Variants in CMC1 observed in about 807,000 individuals in gnomAD.
The protein encoded by CMC1 is C-X9-C motif containing 1.
Under a neutral mutation model 14.1 loss-of-function variants are expected in CMC1, and 14 were observed. The ratio of observed to expected loss-of-function variants is 0.99; its 90% CI spans 0.66 to 1.55. The LOEUF is 1.55. CMC1 is among the 40% of genes most tolerant of loss of function. CMC1 has a pLI of 0.00. For missense variants in CMC1, 127 were observed against 123.8 expected (o/e 1.03, Z -0.12); for synonymous variants, 50 against 38.4 (o/e 1.30, Z -1.12).
In CMC1 at chr3:28,241,691, C is replaced by T; in HGVS notation, c.-103C>T. The T allele has an allele frequency of 8.1e-7, 1 of 1,236,560 alleles. No individual in the cohort carries two copies. 76.6% of individuals were successfully genotyped at this position (1,236,560 alleles called of 1,614,324 possible). A position where few individuals can be genotyped will look rare whatever the true frequency, so the allele number is the denominator to read the frequency against. On this transcript the variant is annotated 5_prime_UTR_variant, in exon 1 of 4. Coordinates refer to ENST00000466830, the MANE Select transcript of CMC1 (RefSeq NM_182523.2). ...GCCCGTGTTTCTGTTGCGGGAAGCT[C>T]CCGGGGGTCGCACGTGCGTCCGAGC...
rs536533482 is a variant in CMC1 at position 28,255,541 on chromosome 3, C to T, written c.20-7750C>T. On this transcript the variant is annotated intron_variant, in intron 1 of 3. Coordinates refer to ENST00000466830, the MANE Select transcript of CMC1 (RefSeq NM_182523.2). ...GATTACAGGCATGAACCACTGTGCCCGGCCTGTTTCCGGTAGCTTCTGGCA... is the reference window on the plus strand; with the variant it reads ...GATTACAGGCATGAACCACTGTGCCTGGCCTGTTTCCGGTAGCTTCTGGCA... 3.4e-4 allele frequency among the ~76,000 whole-genome samples: 51 copies of T among 152,040 alleles called. 1 individual carries two copies. Among genetic ancestry groups the T allele is most frequent in the African/African-American group, 1.2e-3 (49 of 41,428 alleles).
At position 28,323,932 on chromosome 3, in the gene CMC1, C is replaced by T; in HGVS notation, c.*4303C>T. 1 of 1,293,270 alleles carries T rather than the reference C, an allele frequency of 7.7e-7. No individual in the cohort carries two copies. Among genetic ancestry groups the T allele is most frequent in the Non-Finnish European group, 1.1e-6 (1 of 936,862 alleles). The allele number at this position is 1,293,270 out of a possible 1,614,324, so 80.1% of individuals were successfully genotyped here. A position where few individuals can be genotyped will look rare whatever the true frequency, so the allele number is the denominator to read the frequency against. ...TGTGTTCAAATATAGATACTGAAGA[C>T]CTCTGCAAAATTTTAATCAAAATCT... On this transcript the variant is annotated 3_prime_UTR_variant, in exon 4 of 4. Transcript: ENST00000466830.
intron 2 of CMC1, among the ~76,000 whole-genome samples, chr3:28,289,193 G>A (rs954945707): frequency 2.8e-4 from 43 of 151,632 alleles, no homozygotes; most frequent in African/African-American, 9.4e-4. Flanking sequence ...GAAAAGTCTC[G>A]ATGAGTGCTC....
intron 2 of CMC1, among the ~76,000 whole-genome samples, chr3:28,268,952 T>A (rs868226192): frequency 1.3e-5 from 2 of 152,216 alleles, no homozygotes; most frequent in African/African-American, 2.4e-5. Flanking sequence ...TCATTTCATA[T>A]CATCATCATA....
intron 2 of CMC1, among the ~76,000 whole-genome samples, chr3:28,308,736 G>A (rs1702463242): frequency 6.6e-6 from 1 of 152,142 alleles, no homozygotes; most frequent in African/African-American, 2.4e-5. Context: ...TGTAATCCCA[G>A]CACTTTGGGA....
At position 28,325,068 on chromosome 3, in the gene CMC1, T is replaced by C. The variant is rs1487085375; in HGVS notation, c.*5439T>C. 1 of 149,884 alleles carries C rather than the reference T, an allele frequency of 6.7e-6. No homozygotes were observed. The highest frequency in any genetic ancestry group is 2.4e-5 in the African/African-American group (1 of 40,958). The allele number at this position is 149,884 out of a possible 1,614,324, so 9.3% of individuals were successfully genotyped here. On this transcript the variant is annotated 3_prime_UTR_variant, in exon 4 of 4. Transcript: ENST00000466830. ...AGTTTAAATAAAATTTGTGAAATCTTGTTTCTTGTAAAACACAGCAAATGT... is the reference window on the plus strand; with the variant it reads ...AGTTTAAATAAAATTTGTGAAATCTCGTTTCTTGTAAAACACAGCAAATGT...
chr3:28,290,829 G>A (rs184335649), intron 2 of CMC1, among the ~76,000 whole-genome samples: 198 of 151,992 alleles, frequency 1.3e-3, no homozygotes, highest in Middle Eastern at 3.4e-3. Context: ...TGGCTTAAAA[G>A]AGCACATATT....
At chr3:28,276,608 A>G (rs1016721623) in intron 2 of CMC1, among the ~76,000 whole-genome samples, 5 of 152,226 alleles carry the variant, frequency 3.3e-5, no homozygotes, top group Non-Finnish European at 7.3e-5. Flanking sequence ...GCTTGTATAT[A>G]CAATCTGAGT....
At chr3:28,280,124 T>C (rs921281792) in intron 2 of CMC1, among the ~76,000 whole-genome samples, 5 of 152,212 alleles carry the variant, frequency 3.3e-5, no homozygotes, top group Admixed American at 6.5e-5. Context: ...AAAACTATTA[T>C]GCTTAGTGAA....
chr3:28,309,941 CCACACACACACACACACA>C (rs57007112), intron 2 of CMC1, among the ~76,000 whole-genome samples: 218 of 132,572 alleles, frequency 1.6e-3, no homozygotes, highest in East Asian at 4.1e-3. Context: ...CTGACGTCCA[CCACACACACACACACACA>C]CACACACACA....
chr3:28,311,013 G>A (rs915812267), intron 2 of CMC1, among the ~76,000 whole-genome samples: 4 of 152,208 alleles, frequency 2.6e-5, no homozygotes, highest in African/African-American at 7.2e-5. Flanking sequence ...CTGCTGTCCC[G>A]CCCGGTTCCT....
chr3:28,318,464 T>G (rs1472386213), intron 3 of CMC1: 1 of 142,520 alleles, frequency 7.0e-6, no homozygotes, highest in Non-Finnish European at 1.6e-5. Flanking sequence ...TCCTTAATGT[T>G]GGTGATTCCC....
chr3:28,259,915 G>C (rs570747573), intron 1 of CMC1, among the ~76,000 whole-genome samples: 8 of 152,142 alleles, frequency 5.3e-5, no homozygotes, highest in African/African-American at 1.9e-4. Context: ...TATAGGGAAA[G>C]CGTTCAGAGT....
intron 1 of CMC1, among the ~76,000 whole-genome samples, chr3:28,255,470 T>C (rs904164230): frequency 6.6e-6 from 1 of 151,996 alleles, no homozygotes; most frequent in South Asian, 2.1e-4. Flanking sequence ...GGTCTTGAAC[T>C]CCTGGCCTCA....
intron 2 of CMC1, among the ~76,000 whole-genome samples, chr3:28,264,671 TC>T (rs1699913939): frequency 6.6e-6 from 1 of 152,128 alleles, no homozygotes; most frequent in Non-Finnish European, 1.5e-5. Flanking sequence ...AAGAGGTACA[TC>T]CTGCACATTC....
At chr3:28,272,432 G>T (rs2125490619) in intron 2 of CMC1, among the ~76,000 whole-genome samples, 1 of 152,248 alleles carries the variant, frequency 6.6e-6, no homozygotes, top group South Asian at 2.1e-4. Flanking sequence ...AACATGAAGG[G>T]ATGTTGAATT....
chr3:28,279,026 G>T (rs1012630302), intron 2 of CMC1, among the ~76,000 whole-genome samples: 4 of 152,142 alleles, frequency 2.6e-5, no homozygotes, highest in African/African-American at 9.7e-5. Flanking sequence ...AAAGAGTTCT[G>T]TTTTTGGCAT....
intron 2 of CMC1, among the ~76,000 whole-genome samples, chr3:28,305,167 T>C (rs1373290400): frequency 6.6e-6 from 1 of 152,218 alleles, no homozygotes; most frequent in Non-Finnish European, 1.5e-5. Flanking sequence ...CTCCTACTTG[T>C]AAGTGACAAC....
intron 2 of CMC1, among the ~76,000 whole-genome samples, chr3:28,281,954 T>C (rs1700918300): frequency 1.3e-5 from 2 of 152,162 alleles, no homozygotes; most frequent in African/African-American, 4.8e-5. Context: ...ATTAATGATG[T>C]AGATAAAGAC....
Sources: allele counts gnomAD v4.1 joint callset (sites outside exome capture counted in the v4.1 genomes callset), GRCh38; gene constraint gnomAD v4.1.1; transcripts MANE v1.5; gene names NCBI Gene and HGNC (gene_info 2026-07-23, HGNC 2026-07-21).